The following GPAT3 variants were observed in gnomAD, a reference collection of about 807,000 sequenced individuals.
GPAT3 encodes the protein glycerol-3-phosphate acyltransferase 3.
GPAT3 carries 53 observed loss-of-function variants against 58.8 expected under a neutral mutation model. The ratio of observed to expected loss-of-function variants is 0.90; its 90% CI spans 0.72 to 1.13. The LOEUF (loss-of-function observed/expected upper bound fraction) is 1.13, where lower values mean the gene tolerates loss of function less well. Among genes scored for constraint, GPAT3 ranks in the 50% most tolerant of loss-of-function variants. The probability of loss-of-function intolerance (pLI) is 0.00; values close to 1 mark genes in which losing one functional copy is unlikely to be tolerated. For missense variants in GPAT3, 511 were observed against 527.6 expected, an observed-to-expected ratio of 0.97 and a Z score of 0.31; for synonymous variants, 197 against 187.4, an observed-to-expected ratio of 1.05 and a Z score of -0.42.
At chr4:83,554,873 G>A (rs1371291460) in intron 2 of GPAT3, among the ~76,000 whole-genome samples, 2 of 147,698 alleles carry the variant, frequency 1.4e-5, no homozygotes, top group Admixed American at 6.9e-5. Context: ...GCGTGATCTC[G>A]GATCACTGCA....
intron 3 of GPAT3, among the ~76,000 whole-genome samples, chr4:83,582,693 G>A (rs1283036304): frequency 6.6e-6 from 1 of 152,112 alleles, no homozygotes; most frequent in African/African-American, 2.4e-5. Flanking sequence ...GGTGGCCTAT[G>A]CTTGCCTCAT....
In GPAT3 at chr4:83,604,959, G is replaced by A. The variant is rs548353801; in HGVS notation, c.*192G>A. ...GGCTTTTGTTGTTGTTGTAACATTAGCCCCATGGATTGTAAGGTGGTTTAC... is the reference window on the plus strand; with the variant it reads ...GGCTTTTGTTGTTGTTGTAACATTAACCCCATGGATTGTAAGGTGGTTTAC... On this transcript the variant is annotated 3_prime_UTR_variant, in exon 12 of 12. Transcript: ENST00000264409. 3 of 531,502 alleles carry A rather than the reference G, an allele frequency of 5.6e-6. No individual in the cohort carries two copies. In the East Asian group the frequency reaches 9.5e-5, roughly 17 times the overall value. 32.9% of individuals were successfully genotyped at this position (531,502 alleles called of 1,614,324 possible). A position where few individuals can be genotyped will look rare whatever the true frequency, so the allele number is the denominator to read the frequency against.
At chr4:83,549,711 T>TTA (rs1724681647) in intron 2 of GPAT3, among the ~76,000 whole-genome samples, 1 of 142,860 alleles carries the variant, frequency 7.0e-6, no homozygotes. Context: ...TTTGTATATA[T>TTA]TTATTATTAT....
rs907701928 is a variant in GPAT3, at chr4:83,544,904, AAG to A, written c.208+304_208+305del. Among the ~76,000 whole-genome samples, 12 of 152,244 alleles carry A rather than the reference AAG, an allele frequency of 7.9e-5. 1 individual carries two copies. Among genetic ancestry groups the A allele is most frequent in the African/African-American group, 2.4e-4 (10 of 41,538 alleles). On this transcript the variant is annotated intron_variant, in intron 2 of 11. Transcript: ENST00000264409. ...AGTCGATGGCCAAAAGAAAAAAAAAAAGAAAGAAAAAGGCTAATGGGAGTTCC... is the reference window on the plus strand; with the variant it reads ...AGTCGATGGCCAAAAGAAAAAAAAAAAAAGAAAAAGGCTAATGGGAGTTCC...
chr4:83,591,032 G>A (rs1484246292), intron 6 of GPAT3, among the ~76,000 whole-genome samples: 1 of 151,758 alleles, frequency 6.6e-6, no homozygotes, highest in African/African-American at 2.4e-5. Flanking sequence ...GTTGGTGTTT[G>A]GCATAGAATG....
chr4:83,591,066 C>T (rs1726581404), intron 6 of GPAT3, among the ~76,000 whole-genome samples: 1 of 151,966 alleles, frequency 6.6e-6, no homozygotes, highest in South Asian at 2.1e-4. Flanking sequence ...CCTAGGGGAT[C>T]GCCTTTTCAA....
At chr4:83,542,259 G>T (rs1578157649) in intron 1 of GPAT3, among the ~76,000 whole-genome samples, 1 of 152,142 alleles carries the variant, frequency 6.6e-6, no homozygotes, top group African/African-American at 2.4e-5. Flanking sequence ...AATCATATCT[G>T]GTTTACTTAC....
At chr4:83,576,222 A>G (rs1725808739) in intron 2 of GPAT3, among the ~76,000 whole-genome samples, 1 of 152,132 alleles carries the variant, frequency 6.6e-6, no homozygotes, top group Non-Finnish European at 1.5e-5. Context: ...TCTCTTATCT[A>G]GTCTCTCCTT....
chr4:83,587,139 A>G (rs1726405132), intron 3 of GPAT3, 116 bp from the exon 4 acceptor site: 2 of 755,312 alleles, frequency 2.6e-6, no homozygotes, highest in East Asian at 2.5e-5. Flanking sequence ...TGGCTGCATC[A>G]TATTTCATCA....
intron 2 of GPAT3, among the ~76,000 whole-genome samples, chr4:83,562,216 T>TA (rs1560611137): frequency 1.2e-5 from 1 of 80,068 alleles, no homozygotes; most frequent in African/African-American, 5.8e-5. Context: ...ATATATTATA[T>TA]ATATATATAA....
chr4:83,566,417 A>T (rs868381778), intron 2 of GPAT3, among the ~76,000 whole-genome samples: 86 of 96,690 alleles, frequency 8.9e-4, no homozygotes, highest in African/African-American at 3.0e-3. Flanking sequence ...AAAATTAATT[A>T]ATTTATTATT....
At chr4:83,571,106 A>G (rs1262269354) in intron 2 of GPAT3, among the ~76,000 whole-genome samples, 1 of 152,160 alleles carries the variant, frequency 6.6e-6, no homozygotes, top group Non-Finnish European at 1.5e-5. Flanking sequence ...ACTCTGTATA[A>G]TAGTTGTGAG....
chr4:83,601,731 G>C (rs112515807), intron 11 of GPAT3, among the ~76,000 whole-genome samples: 180 of 152,364 alleles, frequency 1.2e-3, no homozygotes, highest in African/African-American at 3.9e-3. Context: ...AGCAGCCTGG[G>C]TGACAGAGCG....
chr4:83,579,043 T>TTTCCTTCCTTCCTTCCTTCC lies in GPAT3; in HGVS notation c.209-2516_209-2515insCTTCCTTCCTTCCTTCCTTC, dbSNP rs1725970576. 5.8e-5 allele frequency among the ~76,000 whole-genome samples: 2 copies of TTTCCTTCCTTCCTTCCTTCC among 34,530 alleles called. 1 individual carries two copies. The highest frequency in any genetic ancestry group is 2.3e-4 in the African/African-American group (2 of 8,532). The allele number at this position is 34,530 out of a possible 152,430, so 22.7% of individuals were successfully genotyped here. On this transcript the variant is annotated intron_variant, in intron 2 of 11. Transcript: ENST00000264409. ...CTTTCTTTCTTTCTTTCTTTCTTTC[T>TTTCCTTCCTTCCTTCCTTCC]TTCTTTCTTTCTTTCTTTCTTTCTT...
chr4:83,537,444 G>A (rs1181215841), intron 1 of GPAT3, among the ~76,000 whole-genome samples: 1 of 152,090 alleles, frequency 6.6e-6, no homozygotes, highest in African/African-American at 2.4e-5. Context: ...TTTATTAAGT[G>A]TCAAAAGGCT....
intron 3 of GPAT3, 63 bp downstream of exon 3, chr4:83,581,895 C>T: frequency 1.3e-6 from 2 of 1,545,404 alleles, no homozygotes; most frequent in Non-Finnish European, 1.7e-6. Flanking sequence ...GAATCATGTA[C>T]ATAATGGCCA....
intron 2 of GPAT3, among the ~76,000 whole-genome samples, chr4:83,574,968 T>TG (rs1405853394): frequency 8.7e-5 from 12 of 138,326 alleles, no homozygotes; most frequent in East Asian, 4.5e-4. Context: ...CTCCGCCCCC[T>TG]GGGGTTCACG....
At chr4:83,550,403 CTGATGA>C (rs546600558) in intron 2 of GPAT3, among the ~76,000 whole-genome samples, 6 of 151,474 alleles carry the variant, frequency 4.0e-5, no homozygotes, top group African/African-American at 1.5e-4. Context: ...AATATTGTGT[CTGATGA>C]TGATGATGAT....
intron 10 of GPAT3, chr4:83,598,400 G>T: frequency 1.4e-6 from 1 of 716,130 alleles, no homozygotes; most frequent in Non-Finnish European, 2.2e-6. Context: ...TGAACCTACA[G>T]ATATTATCTT....
Sources: allele counts gnomAD v4.1 joint callset (sites outside exome capture counted in the v4.1 genomes callset), GRCh38; gene constraint gnomAD v4.1.1; transcripts MANE v1.5; gene names NCBI Gene and HGNC (gene_info 2026-07-23, HGNC 2026-07-21).